Variants in PIGK observed in about 807,000 individuals in gnomAD.
PIGK encodes GPI-anchor transamidase.
A neutral mutation model predicts 50.6 loss-of-function variants in PIGK; 42 were observed. The ratio of observed to expected loss-of-function variants is 0.83; its 90% CI spans 0.65 to 1.07. PIGK has a LOEUF of 1.07. Ranked by LOEUF, PIGK falls within the 50% of genes least tolerant of loss-of-function variation. PIGK has a pLI of 0.00. For synonymous variants in PIGK, 151 were observed against 156.0 expected, an observed-to-expected ratio of 0.97 and a Z score of 0.24; for missense variants, 448 against 488.7, an observed-to-expected ratio of 0.92 and a Z score of 0.78.
chr1:77,094,480 C>A (rs1653364817), intron 10 of PIGK, among the ~76,000 whole-genome samples: 1 of 151,998 alleles, frequency 6.6e-6, no homozygotes, highest in African/African-American at 2.4e-5. Flanking sequence ...GCATTTAAAC[C>A]AAGTCATGTT....
intron 9 of PIGK, among the ~76,000 whole-genome samples, chr1:77,136,606 T>C (rs1361754650): frequency 6.6e-6 from 1 of 152,164 alleles, no homozygotes; most frequent in Non-Finnish European, 1.5e-5. Flanking sequence ...GATGCCATTT[T>C]TCTCTTTGAC....
At chr1:77,123,676 G>A (rs563810004) in intron 9 of PIGK, among the ~76,000 whole-genome samples, 41 of 152,158 alleles carry the variant, frequency 2.7e-4, no homozygotes, top group Admixed American at 1.2e-3. Flanking sequence ...TAGAGGTTCC[G>A]TTCGCAAGAT....
intron 3 of PIGK, among the ~76,000 whole-genome samples, chr1:77,181,630 T>G (rs887750651): frequency 6.6e-6 from 1 of 152,164 alleles, no homozygotes; most frequent in Non-Finnish European, 1.5e-5. Flanking sequence ...GAATAGTAAC[T>G]GAAATTAACA....
chr1:77,174,676 T>A (rs972124266), intron 3 of PIGK, among the ~76,000 whole-genome samples: 16 of 152,182 alleles, frequency 1.1e-4, no homozygotes, highest in Admixed American at 6.5e-4. Context: ...CACTAAGAGA[T>A]AAGACACCCA....
intron 10 of PIGK, among the ~76,000 whole-genome samples, chr1:77,119,894 C>T (rs1016620592): frequency 5.1e-5 from 5 of 98,804 alleles, no homozygotes; most frequent in Non-Finnish European, 9.4e-5. Flanking sequence ...TTTATCTATA[C>T]GTTATCTATC....
chr1:77,099,306 G>A (rs1418959424), intron 10 of PIGK, among the ~76,000 whole-genome samples: 2 of 152,078 alleles, frequency 1.3e-5, no homozygotes, highest in Non-Finnish European at 2.9e-5. Context: ...GTGTTTTTCT[G>A]GGGGAAGCAG....
intron 3 of PIGK, among the ~76,000 whole-genome samples, chr1:77,197,918 C>T (rs147954853): frequency 5.4e-3 from 823 of 152,196 alleles, no homozygotes; most frequent in Middle Eastern, 0.014. Flanking sequence ...AGTTTTTGTA[C>T]ATTATGACAT....
intron 10 of PIGK, among the ~76,000 whole-genome samples, chr1:77,101,510 G>C (rs948043783): frequency 6.6e-6 from 1 of 152,084 alleles, no homozygotes; most frequent in Non-Finnish European, 1.5e-5. Context: ...ACAAGCTCTG[G>C]ATACAACAGG....
intron 3 of PIGK, among the ~76,000 whole-genome samples, chr1:77,178,376 T>C (rs1655533761): frequency 6.6e-6 from 1 of 152,202 alleles, no homozygotes; most frequent in Admixed American, 6.5e-5. Context: ...TAGAAGTGTA[T>C]CCTTAATGAT....
At chr1:77,095,509 C>T (rs901159148) in intron 10 of PIGK, among the ~76,000 whole-genome samples, 2 of 152,042 alleles carry the variant, frequency 1.3e-5, no homozygotes, top group Non-Finnish European at 2.9e-5. Flanking sequence ...AACTCATTCC[C>T]AGTTCCCAGT....
chr1:77,112,754 T>C (rs1196443779), intron 10 of PIGK, among the ~76,000 whole-genome samples: 1 of 152,018 alleles, frequency 6.6e-6, no homozygotes, highest in Admixed American at 6.6e-5. Flanking sequence ...CAGGTACAAA[T>C]ATACAGCTAG....
chr1:77,137,747 G>A (rs1654552734), intron 9 of PIGK, among the ~76,000 whole-genome samples: 1 of 151,994 alleles, frequency 6.6e-6, no homozygotes, highest in Non-Finnish European at 1.5e-5. Context: ...GGGATTACAG[G>A]TGCATACCAC....
chr1:77,144,392 G>T (rs1363871289), intron 9 of PIGK, among the ~76,000 whole-genome samples: 1 of 151,864 alleles, frequency 6.6e-6, no homozygotes, highest in African/African-American at 2.4e-5. Flanking sequence ...GCCTCTAATT[G>T]TTTTATAAAT....
chr1:77,161,501 A>G, intron 7 of PIGK, 93 bp downstream of exon 7: 1 of 949,282 alleles, frequency 1.1e-6, no homozygotes, highest in Non-Finnish European at 1.7e-6. Context: ...TTAGTCTAAG[A>G]AAGAACAGAT....
At chr1:77,136,536 C>CA (rs778130093) in intron 9 of PIGK, among the ~76,000 whole-genome samples, 35,192 of 62,936 alleles carry the variant, frequency 0.56, 9,485 homozygotes, top group Non-Finnish European at 0.6. Context: ...GACTCCGTCT[C>CA]AAAAAAAAAA....
At chr1:77,189,868 G>A (rs1404115647) in intron 3 of PIGK, among the ~76,000 whole-genome samples, 1 of 150,754 alleles carries the variant, frequency 6.6e-6, no homozygotes, top group African/African-American at 2.4e-5. Context: ...CTCAAGTATT[G>A]CAGTCATAAA....
At chr1:77,216,227 T>C (rs528993743) in intron 1 of PIGK, among the ~76,000 whole-genome samples, 2 of 152,286 alleles carry the variant, frequency 1.3e-5, no homozygotes, top group African/African-American at 4.8e-5. Flanking sequence ...ACAATTATTG[T>C]GCCAATTAAA....
rs528442702 is a variant in PIGK, at chr1:77,147,379, G to A, written c.986+7070C>T. Among the ~76,000 whole-genome samples, 10 of 152,208 alleles carry A rather than the reference G, an allele frequency of 6.6e-5. No homozygotes were observed. In the East Asian group the frequency reaches 1.9e-3, roughly 29 times the overall value. On this transcript the variant is annotated intron_variant, in intron 9 of 10. Coordinates refer to ENST00000370812, the MANE Select transcript of PIGK (RefSeq NM_005482.3). ...AGGAGGAGAGAGGAGGGAACGGGAG[G>A]GGAGGTGAGGGCAGGGGAGAAAAAT...
At chr1:77,218,594 G>T (rs1052223046) in intron 1 of PIGK, among the ~76,000 whole-genome samples, 12 of 152,140 alleles carry the variant, frequency 7.9e-5, no homozygotes, top group Non-Finnish European at 1.6e-4. Flanking sequence ...ATAAAACTTT[G>T]CACACGGATT....
Sources: allele counts gnomAD v4.1 joint callset (sites outside exome capture counted in the v4.1 genomes callset), GRCh38; gene constraint gnomAD v4.1.1; transcripts MANE v1.5; gene names NCBI Gene and HGNC (gene_info 2026-07-23, HGNC 2026-07-21).